The following DET1 variants were observed in gnomAD, a reference collection of about 807,000 sequenced individuals.
DET1 encodes DET1 homolog.
In DET1, 22 loss-of-function variants were observed where a neutral mutation model predicts 43.7. The ratio of observed to expected loss-of-function variants is 0.50; its 90% CI spans 0.36 to 0.72. The LOEUF (loss-of-function observed/expected upper bound fraction) is 0.72, where lower values mean the gene tolerates loss of function less well. Ranked by LOEUF, DET1 falls within the 30% of genes least tolerant of loss-of-function variation. The probability of loss-of-function intolerance (pLI) is 0.00; values close to 1 mark genes in which losing one functional copy is unlikely to be tolerated. For missense variants in DET1, 713 were observed against 713.3 expected (o/e 1.00, Z 0.00); for synonymous variants, 315 against 266.2 (o/e 1.18, Z -1.79).
intron 8 of DET1, chr15:88,503,542 T>C (rs956320209): frequency 2.0e-5 from 3 of 152,230 alleles, no homozygotes; most frequent in African/African-American, 7.2e-5. Context: ...GTAATGTTAC[T>C]TTTAGCAAAT....
intron 1 of DET1, among the ~76,000 whole-genome samples, chr15:88,541,479 G>A (rs1012111380): frequency 3.3e-5 from 5 of 151,864 alleles, no homozygotes; most frequent in Admixed American, 2.0e-4. Flanking sequence ...CCCACCTTAC[G>A]AGAAACACCC....
At chr15:88,526,181 T>C (rs1399920880) in intron 3 of DET1, among the ~76,000 whole-genome samples, 1 of 152,232 alleles carries the variant, frequency 6.6e-6, no homozygotes, top group Non-Finnish European at 1.5e-5. Flanking sequence ...CTATCTGTAA[T>C]TGAGTACTAT....
chr15:88,508,023 T>C (rs1251191765), downstream of DET1, among the ~76,000 whole-genome samples: 1 of 152,192 alleles, frequency 6.6e-6, no homozygotes, highest in Admixed American at 6.5e-5. Context: ...CAAACCGTAT[T>C]GTGAACTGTG....
At chr15:88,510,318 C>G (rs913257584), downstream of DET1, among the ~76,000 whole-genome samples, 5 of 152,110 alleles carry the variant, frequency 3.3e-5, no homozygotes, top group African/African-American at 1.2e-4. Flanking sequence ...GAAGATTGGC[C>G]TAGGATCACA....
intron 1 of DET1, among the ~76,000 whole-genome samples, chr15:88,537,038 C>T (rs546393885): frequency 6.6e-6 from 1 of 152,192 alleles, no homozygotes; most frequent in South Asian, 2.1e-4. Context: ...TTCCAAATGC[C>T]TTATATAAGT....
chr15:88,512,778 A>G lies in DET1; in HGVS notation c.*173T>C. The G allele has an allele frequency of 7.2e-7, 1 of 1,389,692 alleles. No homozygotes were observed. Among genetic ancestry groups the G allele is most frequent in the Non-Finnish European group, 9.3e-7 (1 of 1,073,742 alleles). 86.1% of individuals were successfully genotyped at this position (1,389,692 alleles called of 1,614,324 possible). ...CAGTAGCAGTATTGTATACAATTTA[A>G]AAATTCCATTAGGTTGAGCCACCCT... On this transcript the variant is annotated 3_prime_UTR_variant, in exon 5 of 5. Coordinates refer to ENST00000268148, the MANE Select transcript of DET1 (RefSeq NM_001144074.3).
chr15:88,534,293 A>G (rs1296981616), intron 1 of DET1, among the ~76,000 whole-genome samples: 1 of 152,200 alleles, frequency 6.6e-6, no homozygotes, highest in Non-Finnish European at 1.5e-5. Flanking sequence ...TGGAATAATC[A>G]AACACCACCT....
intron 1 of DET1, among the ~76,000 whole-genome samples, chr15:88,541,003 G>A (rs12912218): frequency 0.029 from 1,335 of 45,642 alleles, 279 homozygotes; most frequent in African/African-American, 0.14. Context: ...TTAGTAAAAG[G>A]GGAAGGAATG....
downstream of DET1, chr15:88,511,482 T>G (rs959812400): frequency 1.0e-6 from 1 of 985,318 alleles, no homozygotes; most frequent in African/African-American, 1.7e-5. Flanking sequence ...CCTTGAAACA[T>G]CTTCAACTCT....
chr15:88,533,682 A>G (rs2056875180), intron 1 of DET1, among the ~76,000 whole-genome samples: 1 of 152,062 alleles, frequency 6.6e-6, no homozygotes, highest in African/African-American at 2.4e-5. Flanking sequence ...CCAATCACAA[A>G]CAGACAAATA....
rs1430315593 is a variant in DET1 at position 88,535,791 on chromosome 15, G to T, written c.-10-4076C>A. The stretch of plus-strand genomic sequence containing the variant: ...AAAAGAAAGAAAGAAAGGAAGGAAG[G>T]GGAAAAAAAGAAAGATGAAAGAAAG... On this transcript the variant is annotated intron_variant, in intron 1 of 4. Transcript: ENST00000268148. 2.0e-5 allele frequency among the ~76,000 whole-genome samples: 3 copies of T among 149,674 alleles called. No individual in the cohort carries two copies. In the Admixed American group the frequency reaches 2.0e-4, roughly 10 times the overall value.
At chr15:88,525,164 C>T (rs1026895933) in intron 3 of DET1, among the ~76,000 whole-genome samples, 17 of 152,190 alleles carry the variant, frequency 1.1e-4, no homozygotes, top group African/African-American at 4.1e-4. Flanking sequence ...TACCAAATTA[C>T]TACGGTAATT....
chr15:88,510,451 G>T (rs1449480501), downstream of DET1, among the ~76,000 whole-genome samples: 1 of 152,166 alleles, frequency 6.6e-6, no homozygotes, highest in African/African-American at 2.4e-5. Context: ...AAAAGCTGCA[G>T]ATAAAGTGTT....
At chr15:88,524,427 C>CCTCA (rs1307555352) in intron 3 of DET1, among the ~76,000 whole-genome samples, 1 of 152,112 alleles carries the variant, frequency 6.6e-6, no homozygotes, top group Non-Finnish European at 1.5e-5. Flanking sequence ...GTGAGGAGCC[C>CCTCA]CTCTGCCCAG....
rs2056340280 is a variant in DET1, at chr15:88,516,158, C to T, written c.1463+624G>A. Among the ~76,000 whole-genome samples, 1 of 152,176 alleles carries T rather than the reference C, an allele frequency of 6.6e-6. No individual in the cohort carries two copies. Among genetic ancestry groups the T allele is most frequent in the African/African-American group, 2.4e-5 (1 of 41,438 alleles). ...CAGGAACACACCCCCCTTGAGATAACTCCACTAGTGACAATAATTCCAGCT... is the reference window on the plus strand; with the variant it reads ...CAGGAACACACCCCCCTTGAGATAATTCCACTAGTGACAATAATTCCAGCT... On this transcript the variant is annotated intron_variant, in intron 4 of 4. Transcript: ENST00000268148. This position sits in a 1 kb window ranked among gnomAD's most constrained non-coding sequence, Gnocchi z 4.4.
At chr15:88,524,457 G>A (rs1215782287) in intron 3 of DET1, among the ~76,000 whole-genome samples, 1 of 152,268 alleles carries the variant, frequency 6.6e-6, no homozygotes, top group Non-Finnish European at 1.5e-5. Flanking sequence ...CATCTGGGAG[G>A]AGTACCCAAC....
rs1165433091 is a variant in DET1, at chr15:88,516,178, C to A, written c.1463+604G>T. 2.6e-5 allele frequency among the ~76,000 whole-genome samples: 4 copies of A among 152,288 alleles called. No individual in the cohort carries two copies. In the East Asian group the frequency reaches 7.7e-4, roughly 29 times the overall value. ...GATAACTCCACTAGTGACAATAATT[C>A]CAGCTCCTCCCCCTAATATTATTAC... is the stretch of plus-strand genomic sequence containing the variant. On this transcript the variant is annotated intron_variant, in intron 4 of 4. Transcript: ENST00000268148. The surrounding 1 kb of genome is among the most constrained non-coding windows in gnomAD (Gnocchi z 4.4).
chr15:88,546,507 T>C (rs992909062), intron 1 of DET1, 33 bp downstream of exon 1: 2 of 152,424 alleles, frequency 1.3e-5, no homozygotes, highest in Non-Finnish European at 2.9e-5. Context: ...TCTGACGGGC[T>C]TGGAGGCTGG....
chr15:88,517,200 T>G (rs2142265099), intron 3 of DET1, among the ~76,000 whole-genome samples: 1 of 151,806 alleles, frequency 6.6e-6, no homozygotes, highest in Middle Eastern at 3.4e-3. Context: ...AACAAATTAC[T>G]TTAGAAATGT....
Sources: allele counts gnomAD v4.1 joint callset (sites outside exome capture counted in the v4.1 genomes callset), GRCh38; gene constraint gnomAD v4.1.1; non-coding constraint Gnocchi (gnomAD v3.1); transcripts MANE v1.5; gene names NCBI Gene and HGNC (gene_info 2026-07-23, HGNC 2026-07-21).